The following TNRC6A variants were observed in gnomAD, a reference collection of about 807,000 sequenced individuals.
The protein encoded by TNRC6A is trinucleotide repeat containing adaptor 6A.
Under a neutral mutation model 221.2 loss-of-function variants are expected in TNRC6A, and 44 were observed. The ratio of observed to expected loss-of-function variants is 0.20; its 90% confidence interval spans 0.16 to 0.26. TNRC6A has a LOEUF of 0.26. Ranked by LOEUF, TNRC6A falls within the 10% of genes least tolerant of loss-of-function variation. TNRC6A has a pLI of 1.00. For missense variants in TNRC6A, 2,199 were observed against 2,404.4 expected (o/e 0.91, Z 1.79); for synonymous variants, 847 against 838.5 (o/e 1.01, Z -0.18).
chr16:24,804,680 C>A, intron 12 of TNRC6A, 25 bp from the exon 13 acceptor site: 1 of 1,554,562 alleles, frequency 6.4e-7, no homozygotes, highest in South Asian at 1.2e-5. Flanking sequence ...GCTGGTGTTG[C>A]ACATCTTTCT....
intron 2 of TNRC6A, among the ~76,000 whole-genome samples, chr16:24,731,841 C>A (rs1174533856): frequency 1.3e-5 from 2 of 152,224 alleles, no homozygotes; most frequent in African/African-American, 4.8e-5. Context: ...ATGACCTTGA[C>A]TCTTGGCAAG....
At chr16:24,701,052 G>A (rs935755065) in intron 2 of TNRC6A, among the ~76,000 whole-genome samples, 5 of 152,224 alleles carry the variant, frequency 3.3e-5, no homozygotes, top group Non-Finnish European at 7.3e-5. Context: ...GCCCTAGCCC[G>A]GGAAGAACAT....
At chr16:24,649,166 C>G (rs1379691019) in intron 2 of TNRC6A, among the ~76,000 whole-genome samples, 1 of 151,902 alleles carries the variant, frequency 6.6e-6, no homozygotes, top group Non-Finnish European at 1.5e-5. Flanking sequence ...AAATAATTGA[C>G]AAGTAAAAAT....
At chr16:24,627,488 G>A (rs996578115) in intron 1 of TNRC6A, among the ~76,000 whole-genome samples, 6 of 151,878 alleles carry the variant, frequency 4.0e-5, no homozygotes, top group Non-Finnish European at 8.8e-5. Context: ...TGACTGCCCC[G>A]GGAGACCTCT....
intron 1 of TNRC6A, among the ~76,000 whole-genome samples, chr16:24,638,513 G>C (rs890207902): frequency 1.3e-5 from 2 of 152,152 alleles, no homozygotes; most frequent in African/African-American, 2.4e-5. Flanking sequence ...AGGAGTTCAA[G>C]ACCAGCCTGG....
intron 2 of TNRC6A, among the ~76,000 whole-genome samples, chr16:24,732,713 A>G (rs1047434641): frequency 2.6e-5 from 4 of 152,138 alleles, no homozygotes; most frequent in Non-Finnish European, 4.4e-5. Flanking sequence ...CAGATAATTT[A>G]TTATTTTGAG....
intron 2 of TNRC6A, among the ~76,000 whole-genome samples, chr16:24,649,015 T>C (rs1046131012): frequency 6.6e-5 from 10 of 151,898 alleles, no homozygotes; most frequent in Admixed American, 2.0e-4. Flanking sequence ...GTGCGGTGGC[T>C]CACGGCTGTA....
At chr16:24,626,810 C>T (rs1026644764) in intron 1 of TNRC6A, among the ~76,000 whole-genome samples, 1 of 151,736 alleles carries the variant, frequency 6.6e-6, no homozygotes, top group Admixed American at 6.6e-5. Flanking sequence ...CCACCACGCC[C>T]GGCTAATTTT....
chr16:24,689,677 C>T (rs187746062), intron 2 of TNRC6A, among the ~76,000 whole-genome samples: 2 of 149,156 alleles, frequency 1.3e-5, no homozygotes, highest in Admixed American at 6.6e-5. Flanking sequence ...ATAGAGTGCA[C>T]GTTTTAGTGG....
chr16:24,643,183 A>C lies in TNRC6A; in HGVS notation n.402+2174A>C, dbSNP rs1902089152. On this transcript the variant is annotated intron_variant and non_coding_transcript_variant, in intron 2 of 2. Transcript: ENST00000566108. ...GGGAACCCCATGGCCTGGGCTATAG[A>C]GGAAGTAGGATGCTGAGACAGGAAA... Among the ~76,000 whole-genome samples, 4 of 147,850 alleles carry C rather than the reference A, an allele frequency of 2.7e-5. No individual in the cohort carries two copies. The Admixed American group carries it at 2.8e-4, about 10-fold the overall frequency.
intron 5 of TNRC6A, among the ~76,000 whole-genome samples, chr16:24,786,264 G>T (rs1184202500): frequency 1.3e-5 from 2 of 152,006 alleles, no homozygotes; most frequent in African/African-American, 4.8e-5. Flanking sequence ...CACCTAATAT[G>T]GATCAGATAT....
intron 3 of TNRC6A, among the ~76,000 whole-genome samples, chr16:24,758,114 G>A (rs1398833140): frequency 2.6e-5 from 4 of 152,080 alleles, no homozygotes; most frequent in Non-Finnish European, 4.4e-5. Flanking sequence ...ACAAAAATTA[G>A]GTATTTTAAA....
At chr16:24,770,001 A>G (rs1051267191) in intron 4 of TNRC6A, among the ~76,000 whole-genome samples, 1 of 152,192 alleles carries the variant, frequency 6.6e-6, no homozygotes, top group African/African-American at 2.4e-5. Context: ...ACTGCATTGT[A>G]AGGGATTTGT....
chr16:24,687,177 G>T (rs1417018387), intron 2 of TNRC6A, among the ~76,000 whole-genome samples: 13 of 152,144 alleles, frequency 8.5e-5, no homozygotes, highest in Non-Finnish European at 2.9e-5. Context: ...GGAATTAGGG[G>T]ATGGGCCCTA....
At chr16:24,796,026 G>C (rs749690012) in intron 9 of TNRC6A, 87 bp downstream of exon 9, 3 of 1,444,910 alleles carry the variant, frequency 2.1e-6, no homozygotes, top group Non-Finnish European at 1.9e-6. Context: ...AGCCTCTGCT[G>C]TGTGCCAGGT....
chr16:24,780,372 T>C (rs1446602660), intron 5 of TNRC6A, among the ~76,000 whole-genome samples: 3 of 152,198 alleles, frequency 2.0e-5, no homozygotes, highest in Admixed American at 2.0e-4. Context: ...CAGGTAATTA[T>C]CCTAAGAATA....
rs745330343 is a variant in TNRC6A at position 24,825,311 on chromosome 16, TCTAA to T, written c.*1507_*1510del. The T allele has an allele frequency of 7.2e-5, 11 of 152,792 alleles. No individual in the cohort carries two copies. The highest frequency in any genetic ancestry group is 1.0e-4 in the Non-Finnish European group (7 of 68,040). The allele number at this position is 152,792 out of a possible 1,614,324, so 9.5% of individuals were successfully genotyped here. ...TTTGCCATCATATCATTGCCTTGAT[TCTAA>T]CTGTTTGTGTCCTAAGATGCAAAAG... On this transcript the variant is annotated 3_prime_UTR_variant, in exon 25 of 25. Transcript: ENST00000395799.
At chr16:24,679,085 G>A (rs927401626) in intron 2 of TNRC6A, among the ~76,000 whole-genome samples, 11 of 145,316 alleles carry the variant, frequency 7.6e-5, no homozygotes, top group South Asian at 6.7e-4. Flanking sequence ...CGCAACCTCC[G>A]CCTCCCAGAT....
chr16:24,813,654 A>G (rs906693464), intron 18 of TNRC6A, among the ~76,000 whole-genome samples: 1 of 152,108 alleles, frequency 6.6e-6, no homozygotes, highest in Non-Finnish European at 1.5e-5. Context: ...CTTCATCACT[A>G]TCTCATCAGA....
Sources: allele counts gnomAD v4.1 joint callset (sites outside exome capture counted in the v4.1 genomes callset), GRCh38; gene constraint gnomAD v4.1.1; transcripts MANE v1.5; gene names NCBI Gene and HGNC (gene_info 2026-07-23, HGNC 2026-07-21).